Variants in PM20D2 observed in about 807,000 individuals in gnomAD.
PM20D2 encodes the protein peptidase M20 domain containing 2.
In PM20D2, 33 loss-of-function variants were observed where a neutral mutation model predicts 42.9. That is an observed-to-expected ratio of 0.77 (90% CI 0.58 to 1.03). The LOEUF (loss-of-function observed/expected upper bound fraction) is 1.03. Among genes scored for constraint, PM20D2 ranks in the 50% least tolerant of loss-of-function variants. The pLI is 0.00. For synonymous variants in PM20D2, 250 were observed against 228.2 expected (o/e 1.10, Z -0.86); for missense variants, 548 against 557.0 (o/e 0.98, Z 0.16).
the PM20D2 span, among the ~76,000 whole-genome samples, chr6:89,123,042 A>C: frequency 6.6e-6 from 1 of 152,234 alleles, no homozygotes; most frequent in Non-Finnish European, 1.5e-5. Context: ...TTTGTGTGAT[A>C]ATAATGTAAC....
chr6:89,143,574 T>A (rs1396444287), upstream of PM20D2, among the ~76,000 whole-genome samples: 3 of 152,240 alleles, frequency 2.0e-5, no homozygotes, highest in Non-Finnish European at 4.4e-5. Context: ...ATTCTGGATA[T>A]TGTATTGTTT....
chr6:89,098,788 T>G, the PM20D2 span: 1 of 1,614,022 alleles, frequency 6.2e-7, no homozygotes, highest in Non-Finnish European at 8.5e-7. Context: ...GTGATTTTCC[T>G]ATTGACTTGG....
intron 4 of PM20D2, 53 bp from the exon 5 acceptor site, chr6:89,158,272 G>A: frequency 6.8e-7 from 1 of 1,476,244 alleles, no homozygotes; most frequent in South Asian, 1.3e-5. Flanking sequence ...TTGAAAATTA[G>A]ATAGTGAATT....
chr6:89,095,495 T>C, the PM20D2 span, among the ~76,000 whole-genome samples: 1 of 152,226 alleles, frequency 6.6e-6, no homozygotes, highest in Admixed American at 6.5e-5. Flanking sequence ...AAATTTAATG[T>C]AGTTTAGAAG....
the PM20D2 span, among the ~76,000 whole-genome samples, chr6:89,115,573 C>T: frequency 3.3e-5 from 5 of 152,004 alleles, no homozygotes; most frequent in Admixed American, 2.0e-4. Context: ...TGAGCCACCG[C>T]GCCCAGCCTT....
chr6:89,150,531 CTTTTTTTTTTTTTTT>C, intron 2 of PM20D2, among the ~76,000 whole-genome samples: 1 of 59,424 alleles, frequency 1.7e-5, no homozygotes, highest in Non-Finnish European at 3.1e-5. Context: ...CTGATCATCT[CTTTTTTTTTTTTTTT>C]TTTTTTTTTT....
the PM20D2 span, among the ~76,000 whole-genome samples, chr6:89,126,046 A>G: frequency 6.6e-6 from 1 of 151,992 alleles, no homozygotes; most frequent in Non-Finnish European, 1.5e-5. Context: ...AGATCATGCC[A>G]CTACAATGCA....
chr6:89,139,234 A>C, the PM20D2 span, among the ~76,000 whole-genome samples: 1 of 72,728 alleles, frequency 1.4e-5, no homozygotes. Flanking sequence ...ATGACCAGCT[A>C]GTTTTTAAAT....
At chr6:89,098,880 T>C in the PM20D2 span, 23 of 1,613,936 alleles carry the variant, frequency 1.4e-5, no homozygotes, top group African/African-American at 1.9e-4. Context: ...CTTGCTGAGG[T>C]AGACCGCCTT....
the PM20D2 span, among the ~76,000 whole-genome samples, chr6:89,118,939 G>A: frequency 1.3e-5 from 2 of 152,178 alleles, no homozygotes; most frequent in African/African-American, 4.8e-5. Flanking sequence ...ACTCGTCTTC[G>A]CCTTGCTCCT....
At chr6:89,150,682 G>A (rs2127776132) in intron 2 of PM20D2, among the ~76,000 whole-genome samples, 1 of 151,618 alleles carries the variant, frequency 6.6e-6, no homozygotes, top group South Asian at 2.1e-4. Context: ...TGGGATTACA[G>A]GCGTGCGCCA....
chr6:89,161,232 T>G (rs920487093), intron 5 of PM20D2, among the ~76,000 whole-genome samples: 1 of 152,154 alleles, frequency 6.6e-6, no homozygotes, highest in Non-Finnish European at 1.5e-5. Context: ...CAAGAGAAGA[T>G]ACCAGGCTGG....
chr6:89,100,512 C>G, the PM20D2 span, among the ~76,000 whole-genome samples: 1 of 98,386 alleles, frequency 1.0e-5, no homozygotes. Context: ...TCCATGTCCA[C>G]ATGTTATGTT....
the PM20D2 span, chr6:89,107,364 C>T: frequency 2.6e-6 from 2 of 757,322 alleles, no homozygotes; most frequent in Non-Finnish European, 2.2e-6. Flanking sequence ...ATCATCTAGA[C>T]CAGCATTATC....
the PM20D2 span, among the ~76,000 whole-genome samples, chr6:89,100,845 T>C: frequency 0.065 from 9,945 of 152,242 alleles, 960 homozygotes; most frequent in African/African-American, 0.21. Flanking sequence ...CAGTGGCTCA[T>C]GCCTGTAATC....
At chr6:89,112,523 T>C in the PM20D2 span, among the ~76,000 whole-genome samples, 1 of 150,092 alleles carries the variant, frequency 6.7e-6, no homozygotes, top group East Asian at 2.0e-4. Context: ...CATAACTTGC[T>C]CCAACCTTGA....
chr6:89,131,447 G>A, the PM20D2 span, among the ~76,000 whole-genome samples: 1 of 87,064 alleles, frequency 1.1e-5, no homozygotes, highest in Non-Finnish European at 3.0e-5. Flanking sequence ...CAGCACTTTG[G>A]GAGACTGAGG....
At chr6:89,102,641 TGAG>T in the PM20D2 span, among the ~76,000 whole-genome samples, 2 of 152,176 alleles carry the variant, frequency 1.3e-5, no homozygotes, top group African/African-American at 4.8e-5. Context: ...AAAAGGGAGT[TGAG>T]GAGCAATTTT....
the PM20D2 span, among the ~76,000 whole-genome samples, chr6:89,110,395 T>C: frequency 6.6e-6 from 1 of 152,198 alleles, no homozygotes; most frequent in Non-Finnish European, 1.5e-5. Flanking sequence ...TTCCCACTGG[T>C]TACTCGGTTA....
Sources: allele counts gnomAD v4.1 joint callset (sites outside exome capture counted in the v4.1 genomes callset), GRCh38; gene constraint gnomAD v4.1.1; transcripts MANE v1.5; gene names NCBI Gene and HGNC (gene_info 2026-07-23, HGNC 2026-07-21).